The following IGFN1 variants were observed in gnomAD, a reference collection of about 807,000 sequenced individuals.
IGFN1 encodes the protein immunoglobulin like and fibronectin type III domain containing 1, also known as immunoglobulin-like and fibronectin type III domain-containing protein 1.
In IGFN1, 253 loss-of-function variants were observed where a neutral mutation model predicts 289.5. The observed-to-expected ratio is 0.87, with a 90% CI of 0.79 to 0.97. The LOEUF is 0.97. Among genes scored for constraint, IGFN1 ranks in the 50% least tolerant of loss-of-function variants. The probability of loss-of-function intolerance (pLI) is 0.00; values close to 1 mark genes in which losing one functional copy is unlikely to be tolerated. For missense variants in IGFN1, 4,470 were observed against 4,686.1 expected, an observed-to-expected ratio of 0.95 and a Z score of 1.35; for synonymous variants, 1,706 against 1,788.5, an observed-to-expected ratio of 0.95 and a Z score of 1.16.
At position 201,228,840 on chromosome 1, in the gene IGFN1, A is replaced by T. The variant is rs1158686101; in HGVS notation, c.*441A>T. The T allele has an allele frequency of 1.1e-5, 2 of 174,270 alleles. No homozygotes were observed. Among genetic ancestry groups the T allele is most frequent in the African/African-American group, 4.8e-5 (2 of 41,904 alleles). 10.8% of individuals were successfully genotyped at this position (174,270 alleles called of 1,614,324 possible). ...GACCTGGGTGAGGACTAGGGCATCA[A>T]GGTCGTGTGTGTGGGTGGGGGCAGC... On this transcript the variant is annotated 3_prime_UTR_variant, in exon 24 of 24. Transcript: ENST00000335211.
At chr1:201,225,204 G>A (rs919273049) in intron 21 of IGFN1, among the ~76,000 whole-genome samples, 1 of 152,158 alleles carries the variant, frequency 6.6e-6, no homozygotes, top group African/African-American at 2.4e-5. Flanking sequence ...GGACAAAATT[G>A]TCTGCAGCCG....
Position 201,213,046 on chromosome 1 carries a change from C to A in IGFN1, c.8153C>A (p.Ser2718Tyr). The A allele has an allele frequency of 6.4e-7, 1 of 1,551,584 alleles. No individual in the cohort carries two copies. Among genetic ancestry groups the A allele is most frequent in the South Asian group, 1.2e-5 (1 of 84,064 alleles). Reference protein sequence around the residue: ...EDSGILGKGNSTEWGNALTPK... With the variant: ...EDSGILGKGNYTEWGNALTPK... ...TCAGGTATCCTGGGCAAGGGGAATT[C>A]TACTGAGTGGGGGAATGCCCTCACC... The change falls in exon 12 of 24, where the codon TCT becomes TAT. Residue 2718 changes from serine (S) to tyrosine (Y), a missense_variant. Physicochemically the swap from Ser to Tyr is moderately radical, Grantham distance 144 (BLOSUM62 -2). Around this residue, in one of 8 missense-constraint regions of IGFN1, gnomAD observed 2,218 missense variants for 2,114.1 expected, o/e 1.05. Transcript: ENST00000335211.
In IGFN1 at chr1:201,208,991, T is replaced by A; in HGVS notation, c.4098T>A (p.Gly1366=). The change falls in exon 12 of 24, where the codon GGT becomes GGA. Residue 1366 remains glycine, a synonymous_variant. Coordinates refer to ENST00000335211, the MANE Select transcript of IGFN1 (RefSeq NM_001164586.2). The part of the protein sequence containing the change: ...SKADYSGGLK[G]SREIGSMDET... ...CAGATTATAGCGGTGGTTTAAAGGGTTCCAGGGAAATCGGGTCAATGGATG... is the reference window on the plus strand; with the variant it reads ...CAGATTATAGCGGTGGTTTAAAGGGATCCAGGGAAATCGGGTCAATGGATG... 1 of 1,535,316 alleles carries A rather than the reference T, an allele frequency of 6.5e-7. No individual in the cohort carries two copies. Among genetic ancestry groups the A allele is most frequent in the Non-Finnish European group, 8.7e-7 (1 of 1,146,520 alleles).
chr1:201,222,890 C>T (rs1402623012), intron 20 of IGFN1, 63 bp downstream of exon 20: 5 of 1,115,460 alleles, frequency 4.5e-6, no homozygotes, highest in Non-Finnish European at 6.7e-6. Context: ...CCAGACTCAG[C>T]CCTGTGGCTC....
At chr1:201,216,218 C>T (rs959648177) in intron 15 of IGFN1, 1 of 602,390 alleles carries the variant, frequency 1.7e-6, no homozygotes, top group African/African-American at 1.9e-5. Context: ...CTGGTGCATT[C>T]CATGGCACAT....
In IGFN1 at chr1:201,226,949, G is replaced by A. The variant is rs1654138100; in HGVS notation, c.10854G>A (p.Val3618=). ...TGAGCCAGAAGCCCCGGTTCCTGGT[G>A]GGCCTGCGGTCCCACCTGCTGCCCC... The part of the protein sequence containing the change: ...PDLSQKPRFL[V]GLRSHLLPQG... Residue 3618 remains valine (V), a synonymous_variant, in exon 23 of 24, where the codon GTG becomes GTA. Coordinates refer to ENST00000335211, the MANE Select transcript of IGFN1 (RefSeq NM_001164586.2). 3.1e-6 allele frequency: 5 copies of A among 1,611,894 alleles called. No individual in the cohort carries two copies. Among genetic ancestry groups the A allele is most frequent in the Non-Finnish European group, 4.2e-6 (5 of 1,179,298 alleles).
chr1:201,209,089 C>T lies in IGFN1; in HGVS notation c.4196C>T (p.Pro1399Leu), dbSNP rs538435669. 11 of 1,533,672 alleles carry T rather than the reference C, an allele frequency of 7.2e-6. No homozygotes were observed. In the Admixed American group the frequency reaches 1.4e-4, roughly 19 times the overall value. Residue 1399 changes from proline (P) to leucine (L), a missense_variant, in exon 12 of 24, where the codon CCT becomes CTT. By Grantham distance (98) the Pro-to-Leu change is moderately conservative (BLOSUM62 -3). Coordinates refer to ENST00000335211, the MANE Select transcript of IGFN1 (RefSeq NM_001164586.2). ...GAGYRAGLRG[P>L]GEMGSLDESG... The stretch of plus-strand genomic sequence containing the variant: ...GGTTACAGGGCTGGTTTAAGGGGTC[C>T]TGGGGAGATGGGGTCACTGGATGAG...
At chr1:201,201,229 C>T (rs1667138341) in intron 8 of IGFN1, among the ~76,000 whole-genome samples, 1 of 152,174 alleles carries the variant, frequency 6.6e-6, no homozygotes. Flanking sequence ...AATTTCTTTC[C>T]TGTGTCTAAC....
rs1475424507 is a variant in IGFN1 at position 201,199,669 on chromosome 1, G to A, written c.458+15G>A. On this transcript the variant is annotated intron_variant, in intron 7 of 23. Transcript: ENST00000335211. The stretch of plus-strand genomic sequence containing the variant: ...CTGAAAAAGAGGTGGGTTTGGGCCT[G>A]TCCATGAGGGATTTTGGAGGCTCCC... 1 of 1,550,472 alleles carries A rather than the reference G, an allele frequency of 6.4e-7. No individual in the cohort carries two copies. The highest frequency in any genetic ancestry group is 8.7e-7 in the Non-Finnish European group (1 of 1,146,160).
rs1666900597 is a variant in IGFN1, at chr1:201,195,978, G to A, written c.267G>A (p.Gln89=). The A allele has an allele frequency of 1.9e-6, 3 of 1,551,470 alleles. No individual in the cohort carries two copies. The highest frequency in any genetic ancestry group is 1.2e-5 in the South Asian group (1 of 84,036). Residue 89 remains glutamine (Q), a splice_region_variant and synonymous_variant, in exon 4 of 24, where the codon CAG becomes CAA. Transcript: ENST00000335211. ...CTGGCAGCAAGGAGCACGTGCTGCA[G>A]GTAAGAACCGTAGCTCTTCCCCTGA... ...SSPGSKEHVL[Q]INKLTGEDTD... is the part of the protein sequence containing the mutation.
chr1:201,196,400 A>C (rs1319124025), intron 4 of IGFN1, among the ~76,000 whole-genome samples: 1 of 152,212 alleles, frequency 6.6e-6, no homozygotes, highest in African/African-American at 2.4e-5. Flanking sequence ...GCTGGAGTGC[A>C]ATGGCGTGAT....
rs1480442709 is a variant in IGFN1 at position 201,212,882 on chromosome 1, G to A, written c.7989G>A (p.Gly2663=). The A allele has an allele frequency of 8.4e-6, 13 of 1,551,206 alleles. No homozygotes were observed. Among genetic ancestry groups the A allele is most frequent in the South Asian group, 3.6e-5 (3 of 84,058 alleles). ...AGGAGAAAGATGCCGCTTTTGGTGG[G>A]ACCCATGAAGGGCCAGGGGGCTTTA... The part of the protein sequence containing the change: ...SLQEKDAAFG[G]THEGPGGFKG... The change falls in exon 12 of 24, where the codon GGG becomes GGA. Residue 2663 remains glycine, a synonymous_variant. Transcript: ENST00000335211.
In IGFN1 at chr1:201,206,448, G is replaced by C. The variant is rs1667426102; in HGVS notation, c.1555G>C (p.Ala519Pro). 2 of 1,551,248 alleles carry C rather than the reference G, an allele frequency of 1.3e-6. No homozygotes were observed. The highest frequency in any genetic ancestry group is 1.2e-5 in the South Asian group (1 of 84,062). The part of the protein sequence containing the change: ...HREGGWARSL[A>P]ERPHLQGESS... ...AGAGGGAGGCTGGGCCAGAAGCCTTGCAGAGAGGCCCCATCTACAGGGAGA... is the reference window on the plus strand; with the variant it reads ...AGAGGGAGGCTGGGCCAGAAGCCTTCCAGAGAGGCCCCATCTACAGGGAGA... The change falls in exon 12 of 24, where the codon GCA (alanine) becomes CCA (proline). Residue 519 changes from alanine (A) to proline (P), a missense_variant. By Grantham distance (27) the Ala-to-Pro change is conservative (BLOSUM62 -1). Transcript: ENST00000335211.
chr1:201,206,008 A>T, intron 11 of IGFN1, 75 bp from the exon 12 acceptor site: 1 of 1,091,200 alleles, frequency 9.2e-7, no homozygotes, highest in Non-Finnish European at 1.3e-6. Context: ...GGCCGGATTT[A>T]ACAGGAGTTT....
Position 201,228,477 on chromosome 1 carries a change from C to T in IGFN1, c.*78C>T, listed in dbSNP as rs1413596070. ...CTGCACTGGCCCGGGAAGCCAATCC[C>T]AAGGATGGAGGCTGTGCCCAGAGCC... On this transcript the variant is annotated 3_prime_UTR_variant, in exon 24 of 24. Coordinates refer to ENST00000335211, the MANE Select transcript of IGFN1 (RefSeq NM_001164586.2). 1.3e-5 allele frequency: 19 copies of T among 1,461,186 alleles called. No homozygotes were observed. Among genetic ancestry groups the T allele is most frequent in the Non-Finnish European group, 1.8e-5 (19 of 1,040,594 alleles). The allele number at this position is 1,461,186 out of a possible 1,614,324, so 90.5% of individuals were successfully genotyped here. A position where few individuals can be genotyped will look rare whatever the true frequency, so the allele number is the denominator to read the frequency against.
chr1:201,214,353 A>G, intron 13 of IGFN1, 52 bp downstream of exon 13: 1 of 1,549,098 alleles, frequency 6.5e-7, no homozygotes, highest in Middle Eastern at 1.7e-4. Context: ...ACAGAGGTAA[A>G]GCAGAGAGGG....
chr1:201,223,693 T>C (rs186240365), intron 20 of IGFN1, among the ~76,000 whole-genome samples: 18 of 152,250 alleles, frequency 1.2e-4, no homozygotes, highest in African/African-American at 4.3e-4. Flanking sequence ...TCTTAACATC[T>C]CTGTGTTTCA....
chr1:201,227,027 C>T lies in IGFN1; in HGVS notation c.10932C>T (p.His3644=), dbSNP rs147737938. The change falls in exon 23 of 24, where the codon CAC becomes CAT. Residue 3644 remains histidine, a synonymous_variant. Coordinates refer to ENST00000335211, the MANE Select transcript of IGFN1 (RefSeq NM_001164586.2). ...CCGTGCAGGGCTCGCCCCGGCCCCA[C>T]GTCACCTGGTTCAAGAATGACCGCA... is the stretch of plus-strand genomic sequence containing the variant. The part of the protein sequence containing the change: ...SCAVQGSPRP[H]VTWFKNDRSL... 225 of 1,613,552 alleles carry T rather than the reference C, an allele frequency of 1.4e-4. No homozygotes were observed. The African/African-American group carries it at 2.3e-3, about 16-fold the overall frequency.
In IGFN1 at chr1:201,207,055, T is replaced by C. The variant is rs750297622; in HGVS notation, c.2162T>C (p.Ile721Thr). 12 of 1,536,916 alleles carry C rather than the reference T, an allele frequency of 7.8e-6. No individual in the cohort carries two copies. Among genetic ancestry groups the C allele is most frequent in the Non-Finnish European group, 1.0e-5 (12 of 1,146,852 alleles). The change falls in exon 12 of 24, where the codon ATA (isoleucine) becomes ACA (threonine). Residue 721 changes from isoleucine (I) to threonine (T), a missense_variant. By Grantham distance (89) the Ile-to-Thr change is moderately conservative. Coordinates refer to ENST00000335211, the MANE Select transcript of IGFN1 (RefSeq NM_001164586.2). ...YWGSGELLEQ[I>T]PGGKDFQEPS... ...GGGTCAGGAGAGTTGCTAGAACAGA[T>C]ACCTGGAGGCAAGGACTTCCAGGAA...
Sources: gnomAD v4.1 joint callset for allele counts (sites outside exome capture counted in the v4.1 genomes callset) on GRCh38, gnomAD v4.1.1 for gene constraint, gnomAD v4.1.1 regional missense constraint, MANE v1.5 for transcripts, NCBI Gene and HGNC (gene_info 2026-07-23, HGNC 2026-07-21) for gene names.